PRRT3: variants seen among roughly 807,000 people sequenced by gnomAD.
The protein encoded by PRRT3 is proline-rich transmembrane protein 3.
PRRT3 carries 48 observed loss-of-function variants against 56.6 expected under a neutral mutation model. The ratio of observed to expected loss-of-function variants is 0.85; its 90% CI spans 0.67 to 1.08. PRRT3 has a LOEUF of 1.08. Ranked by LOEUF, PRRT3 falls within the 50% of genes least tolerant of loss-of-function variation. The pLI is 0.00. For synonymous variants in PRRT3, 641 were observed against 619.1 expected (o/e 1.04, Z -0.52); for missense variants, 1,370 against 1,353.1 (o/e 1.01, Z -0.20).
rs949532245 is a variant in PRRT3 at position 9,949,107 on chromosome 3, T to G, written c.1009A>C (p.Lys337Gln). 6.2e-7 allele frequency: 1 copy of G among 1,601,928 alleles called. No individual in the cohort carries two copies. Among genetic ancestry groups the G allele is most frequent in the Non-Finnish European group, 8.5e-7 (1 of 1,176,070 alleles). Residue 337 changes from lysine (K) to glutamine (Q), a missense_variant, in exon 2 of 4, where the codon AAG becomes CAG. Physicochemically the swap from Lys to Gln is moderately conservative, Grantham distance 53. Transcript: ENST00000412055. The surrounding 1 kb of genome is among the most constrained non-coding windows in gnomAD (Gnocchi z 4.5). The part of the protein sequence containing the change: ...PASEAPDRPS[K>Q]PERAAMNGAD... Reference sequence around the variant, plus strand: ...CACACTCATTGATACCCACCTGGCTTAGACGGCCGATCAGGAGCCTCTGAG... The same window carrying G: ...CACACTCATTGATACCCACCTGGCTGAGACGGCCGATCAGGAGCCTCTGAG...
In PRRT3 at chr3:9,947,144, C is replaced by A; in HGVS notation, c.2029G>T (p.Gly677Cys). ...AGGAGGCGCAGCCAGAAGTGGACAC[C>A]CCACCAGGCCCACGAGAAGCGGCCC... ...RVGRFSWAWWGVHFWLRLLEL... is the reference protein window; with the variant it reads ...RVGRFSWAWWCVHFWLRLLEL... The change falls in exon 4 of 4, where the codon GGT (glycine) becomes TGT (cysteine). Residue 677 changes from glycine to cysteine, a missense_variant. By Grantham distance (159) the Gly-to-Cys change is radical (BLOSUM62 -3). Transcript: ENST00000412055. The surrounding 1 kb of genome is among the most constrained non-coding windows in gnomAD (Gnocchi z 9.2). The A allele has an allele frequency of 1.3e-6, 2 of 1,537,562 alleles. No homozygotes were observed. Among genetic ancestry groups the A allele is most frequent in the Non-Finnish European group, 1.7e-6 (2 of 1,147,446 alleles).
Position 9,947,222 on chromosome 3 carries a change from T to C in PRRT3, c.1951A>G (p.Ser651Gly), listed in dbSNP as rs1003285449. 6.6e-7 allele frequency: 1 copy of C among 1,507,074 alleles called. No homozygotes were observed. The highest frequency in any genetic ancestry group is 8.8e-7 in the Non-Finnish European group (1 of 1,135,042). The allele number at this position is 1,507,074 out of a possible 1,614,324, so 93.4% of individuals were successfully genotyped here. ...AVAGALGLLA[S>G]GLQLAAALWL... ...AGCGCAGCCGCCAGCTGCAAGCCGC[T>C]AGCCAGCAGCCCCAGCGCGCCCGCC... is the stretch of plus-strand genomic sequence containing the variant. Residue 651 changes from serine to glycine, a missense_variant, in exon 4 of 4, where the codon AGC becomes GGC. Transcript: ENST00000412055. This position sits in a 1 kb window ranked among gnomAD's most constrained non-coding sequence, Gnocchi z 9.2.
At chr3:9,951,831 C>G (rs940360433) in intron 1 of PRRT3, among the ~76,000 whole-genome samples, 1 of 152,256 alleles carries the variant, frequency 6.6e-6, no homozygotes, top group African/African-American at 2.4e-5. Flanking sequence ...GGTCACACAG[C>G]TGAGTGGACA....
Position 9,949,911 on chromosome 3 carries a change from T to C in PRRT3, c.205A>G (p.Ser69Gly). The change falls in exon 2 of 4, where the codon AGT becomes GGT. Residue 69 changes from serine (S) to glycine (G), a missense_variant. Ser to Gly is a moderately conservative substitution (Grantham distance 56). Coordinates refer to ENST00000412055, the MANE Select transcript of PRRT3 (RefSeq NM_207351.5). The surrounding 1 kb of genome is among the most constrained non-coding windows in gnomAD (Gnocchi z 4.5). ...DVFPENPRAD[S>G]HRNSDVRHAP... ...TGGCGGACATCAGAGTTCCTGTGACTGTCAGCTCTGGGGTTCTCCGGGAAC... is the reference window on the plus strand; with the variant it reads ...TGGCGGACATCAGAGTTCCTGTGACCGTCAGCTCTGGGGTTCTCCGGGAAC... 2 of 1,612,460 alleles carry C rather than the reference T, an allele frequency of 1.2e-6. No individual in the cohort carries two copies. The highest frequency in any genetic ancestry group is 2.2e-5 in the South Asian group (2 of 90,916).
Position 9,946,747 on chromosome 3 carries a change from G to T in PRRT3, c.2426C>A (p.Pro809His). The T allele has an allele frequency of 6.5e-7, 1 of 1,529,430 alleles. No individual in the cohort carries two copies. The highest frequency in any genetic ancestry group is 8.7e-7 in the Non-Finnish European group (1 of 1,147,176). The allele number at this position is 1,529,430 out of a possible 1,614,324, so 94.7% of individuals were successfully genotyped here. ...GTCGATGCTGCGGCTCAGGTTGATG[G>T]GCGATGGCGGCCGCAGATCCAGCTC... ...LSELDLRPPS[P>H]INLSRSIDAA... The change falls in exon 4 of 4, where the codon CCC (proline) becomes CAC (histidine). Residue 809 changes from proline (P) to histidine (H), a missense_variant. By Grantham distance (77) the Pro-to-His change is moderately conservative. Transcript: ENST00000412055. The surrounding 1 kb of genome is among the most constrained non-coding windows in gnomAD (Gnocchi z 4.1).
At position 9,946,937 on chromosome 3, in the gene PRRT3, C is replaced by A; in HGVS notation, c.2236G>T (p.Gly746Cys). 1 of 1,541,964 alleles carries A rather than the reference C, an allele frequency of 6.5e-7. No homozygotes were observed. Among genetic ancestry groups the A allele is most frequent in the Non-Finnish European group, 8.7e-7 (1 of 1,149,064 alleles). The change falls in exon 4 of 4, where the codon GGC becomes TGC. Residue 746 changes from glycine (G) to cysteine (C), a missense_variant. Coordinates refer to ENST00000412055, the MANE Select transcript of PRRT3 (RefSeq NM_207351.5). This position sits in a 1 kb window ranked among gnomAD's most constrained non-coding sequence, Gnocchi z 4.1. ...CYAGPSNVGAGSLDISKSLIR... is the reference protein window; with the variant it reads ...CYAGPSNVGACSLDISKSLIR... ...AGGCTCTTGCTGATGTCCAAGCTGC[C>A]TGCACCAACGTTGCTGGGCCCTGCA...
At chr3:9,948,568 A>T in intron 3 of PRRT3, 190 bp downstream of exon 3, 1 of 656,988 alleles carries the variant, frequency 1.5e-6, no homozygotes, top group Non-Finnish European at 2.6e-6. Context: ...AGGGCAAATG[A>T]CTTCTCCCAG....
Position 9,947,957 on chromosome 3 carries a change from C to G in PRRT3, c.1216G>C (p.Ala406Pro), listed in dbSNP as rs150533375. 4 of 1,379,858 alleles carry G rather than the reference C, an allele frequency of 2.9e-6. No individual in the cohort carries two copies. The highest frequency in any genetic ancestry group is 2.8e-5 in the East Asian group (1 of 36,236). The allele number at this position is 1,379,858 out of a possible 1,614,324, so 85.5% of individuals were successfully genotyped here. ...GTCGAGGGGGCCTGGACTGGGGGTG[C>G]TGGGGGATGGCTTTGGGGGCGCCCC... ...WPGRPQSHPP[A>P]PPVQAPSTSR... The change falls in exon 4 of 4, where the codon GCA (alanine) becomes CCA (proline). Residue 406 changes from alanine (A) to proline (P), a missense_variant. Coordinates refer to ENST00000412055, the MANE Select transcript of PRRT3 (RefSeq NM_207351.5). The surrounding 1 kb of genome is among the most constrained non-coding windows in gnomAD (Gnocchi z 9.2).
chr3:9,946,535 C>G lies in PRRT3; in HGVS notation c.2638G>C (p.Val880Leu). ...GRCRSLSDVRVRGPVPQHVVE... is the reference protein window; with the variant it reads ...GRCRSLSDVRLRGPVPQHVVE... Reference sequence around the variant, plus strand: ...ACGTGCTGTGGGACCGGCCCGCGCACGCGCACGTCGCTGAGCGACCTGCAG... The same window carrying G: ...ACGTGCTGTGGGACCGGCCCGCGCAGGCGCACGTCGCTGAGCGACCTGCAG... The change falls in exon 4 of 4, where the codon GTG (valine) becomes CTG (leucine). Residue 880 changes from valine (V) to leucine (L), a missense_variant. Coordinates refer to ENST00000412055, the MANE Select transcript of PRRT3 (RefSeq NM_207351.5). The surrounding 1 kb of genome is among the most constrained non-coding windows in gnomAD (Gnocchi z 4.1). 1.4e-6 allele frequency: 2 copies of G among 1,461,730 alleles called. No homozygotes were observed. The highest frequency in any genetic ancestry group is 1.8e-6 in the Non-Finnish European group (2 of 1,104,368). 90.5% of individuals were successfully genotyped at this position (1,461,730 alleles called of 1,614,324 possible). A position where few individuals can be genotyped will look rare whatever the true frequency, so the allele number is the denominator to read the frequency against.
At chr3:9,948,536 A>G in intron 3 of PRRT3, 2 of 582,342 alleles carry the variant, frequency 3.4e-6, no homozygotes, top group Admixed American at 3.2e-5. Context: ...CATGTTACAT[A>G]TTAGAACATT....
rs1044728524 is a variant in PRRT3, at chr3:9,950,175, A to G, written c.-57-3T>C. 3.8e-6 allele frequency: 4 copies of G among 1,041,172 alleles called. No individual in the cohort carries two copies. The highest frequency in any genetic ancestry group is 3.9e-5 in the Admixed American group (1 of 25,436). The allele number at this position is 1,041,172 out of a possible 1,614,324, so 64.5% of individuals were successfully genotyped here. A position where few individuals can be genotyped will look rare whatever the true frequency, so the allele number is the denominator to read the frequency against. On this transcript the variant is annotated splice_polypyrimidine_tract_variant and splice_region_variant and intron_variant, in intron 1 of 3. Coordinates refer to ENST00000412055, the MANE Select transcript of PRRT3 (RefSeq NM_207351.5). ...CTTCCAGTCCTCACTGGATGAGCCT[A>G]AAAAAAAAACAGGGCATGGAATGAC...
In PRRT3 at chr3:9,946,093, C is replaced by T. The variant is rs2085512232; in HGVS notation, c.*134G>A. ...CCTCGTGTTCCACCCACCTCGGCCT[C>T]CCAAAGTGCTGGGATTCCTGGCGTG... On this transcript the variant is annotated 3_prime_UTR_variant, in exon 4 of 4. Transcript: ENST00000412055. This position sits in a 1 kb window ranked among gnomAD's most constrained non-coding sequence, Gnocchi z 4.1. 1.5e-6 allele frequency: 2 copies of T among 1,376,330 alleles called. No individual in the cohort carries two copies. The highest frequency in any genetic ancestry group is 5.9e-5 in the Admixed American group (2 of 34,162). 85.3% of individuals were successfully genotyped at this position (1,376,330 alleles called of 1,614,324 possible).
At chr3:9,948,540 G>C in intron 3 of PRRT3, 1 of 585,820 alleles carries the variant, frequency 1.7e-6, no homozygotes, top group Non-Finnish European at 3.0e-6. Context: ...TTACATATTA[G>C]AACATTCTAG....
chr3:9,948,334 TTTC>T (rs2124880435), intron 3 of PRRT3: 1 of 342,884 alleles, frequency 2.9e-6, no homozygotes, highest in East Asian at 4.5e-5. Flanking sequence ...TTGGAATTTT[TTTC>T]TTTTTTTCTT....
At chr3:9,950,541 C>T (rs535475012) in intron 1 of PRRT3, among the ~76,000 whole-genome samples, 6 of 152,332 alleles carry the variant, frequency 3.9e-5, no homozygotes, top group East Asian at 1.9e-4. Context: ...CTTGCTCTGT[C>T]GCTCAGGCTG....
Position 9,946,614 on chromosome 3 carries a change from GC to G in PRRT3, c.2558del (p.Gly853AlafsTer36). The G allele has an allele frequency of 7.2e-7, 1 of 1,394,738 alleles. No homozygotes were observed. Among genetic ancestry groups the G allele is most frequent in the East Asian group, 3.0e-5 (1 of 33,816 alleles). 86.4% of individuals were successfully genotyped at this position (1,394,738 alleles called of 1,614,324 possible). A position where few individuals can be genotyped will look rare whatever the true frequency, so the allele number is the denominator to read the frequency against. On this transcript the variant is annotated frameshift_variant, in exon 4 of 4. Transcript: ENST00000412055. LOFTEE classifies it low-confidence loss of function (END_TRUNC). This position sits in a 1 kb window ranked among gnomAD's most constrained non-coding sequence, Gnocchi z 4.1. ...CGTCGAGCTCGGCTTTGGGATGGCT[GC>G]CCCGGCGCGGCCGCAGAGCGCCTCC... ...PPGGALRPRR[G>X]SHPKAELDDA...
At chr3:9,952,297 C>A (rs2085632243) in intron 1 of PRRT3, 25 bp downstream of exon 1, 1 of 152,452 alleles carries the variant, frequency 6.6e-6, no homozygotes, top group African/African-American at 2.4e-5. Flanking sequence ...CCCGCCATCG[C>A]CCCCTCCCTG....
intron 1 of PRRT3, among the ~76,000 whole-genome samples, chr3:9,951,807 A>G (rs1204801967): frequency 6.6e-6 from 1 of 152,220 alleles, no homozygotes; most frequent in Non-Finnish European, 1.5e-5. Flanking sequence ...AGAGAGGGTG[A>G]GCAACTCCCC....
rs1056610570 is a variant in PRRT3, at chr3:9,947,308, C to A, written c.1865G>T (p.Arg622Leu). The A allele has an allele frequency of 1.6e-5, 26 of 1,588,458 alleles. No individual in the cohort carries two copies. Among genetic ancestry groups the A allele is most frequent in the Non-Finnish European group, 2.2e-5 (26 of 1,170,826 alleles). ...VALGTLCLCR[R>L]RLLDGPRGWD... ...GCCCCGTGGGCCGTCCAGCAGGCGG[C>A]GACGGCACAGGCAGAGCGTGCCCAG... Residue 622 changes from arginine (R) to leucine (L), a missense_variant, in exon 4 of 4, where the codon CGC becomes CTC. Transcript: ENST00000412055. The surrounding 1 kb of genome is among the most constrained non-coding windows in gnomAD (Gnocchi z 9.2).
Sources: gnomAD v4.1 joint callset for allele counts (sites outside exome capture counted in the v4.1 genomes callset) on GRCh38, gnomAD v4.1.1 for gene constraint, Gnocchi (gnomAD v3.1) non-coding constraint, MANE v1.5 for transcripts, NCBI Gene and HGNC (gene_info 2026-07-23, HGNC 2026-07-21) for gene names.